ZFHX3: variants seen among roughly 807,000 people sequenced by gnomAD.
ZFHX3 encodes the protein zinc finger homeobox 3.
A neutral mutation model predicts 279.1 loss-of-function variants in ZFHX3; 42 were observed. That is an observed-to-expected ratio of 0.15 (90% confidence interval 0.12 to 0.19). ZFHX3 has a LOEUF of 0.19. Ranked by LOEUF, ZFHX3 falls within the 10% of genes least tolerant of loss-of-function variation. ZFHX3 has a pLI of 1.00. For synonymous variants in ZFHX3, 2,293 were observed against 1,957.8 expected (o/e 1.17, Z -4.52); for missense variants, 4,981 against 4,754.0 (o/e 1.05, Z -1.40).
chr16:73,068,467 A>C (rs1965782683), intron 8 of ZFHX3, among the ~76,000 whole-genome samples: 1 of 152,236 alleles, frequency 6.6e-6, no homozygotes. Context: ...AAAGGGAAAA[A>C]GGCCAAAAGG....
intron 5 of ZFHX3, among the ~76,000 whole-genome samples, chr16:73,195,995 T>G (rs1401732137): frequency 6.6e-6 from 1 of 152,180 alleles, no homozygotes; most frequent in Non-Finnish European, 1.5e-5. Context: ...ACACATGCCG[T>G]GTACATATTA....
chr16:72,849,614 G>A (rs1597307660), intron 4 of ZFHX3, among the ~76,000 whole-genome samples: 1 of 152,096 alleles, frequency 6.6e-6, no homozygotes, highest in East Asian at 1.9e-4. Context: ...CCTCATTAAT[G>A]GATGAAATCT....
At chr16:73,330,439 G>A (rs1398757495) in intron 3 of ZFHX3, among the ~76,000 whole-genome samples, 1 of 152,166 alleles carries the variant, frequency 6.6e-6, no homozygotes, top group Non-Finnish European at 1.5e-5. Flanking sequence ...CAAAGTGAAG[G>A]CAACAATTCA....
intron 3 of ZFHX3, among the ~76,000 whole-genome samples, chr16:73,340,493 A>T (rs1055574086): frequency 1.3e-5 from 2 of 152,136 alleles, no homozygotes; most frequent in African/African-American, 4.8e-5. Flanking sequence ...AGTAGCTGGG[A>T]TTATAGGTGC....
intron 8 of ZFHX3, among the ~76,000 whole-genome samples, chr16:73,085,247 T>C (rs2046360171): frequency 6.6e-6 from 1 of 152,156 alleles, no homozygotes; most frequent in Admixed American, 6.5e-5. Flanking sequence ...ATTTACAGCA[T>C]TTACAACTCA....
At chr16:73,166,164 A>T (rs552228596) in intron 5 of ZFHX3, among the ~76,000 whole-genome samples, 3 of 152,316 alleles carry the variant, frequency 2.0e-5, no homozygotes, top group East Asian at 3.9e-4. Context: ...TTAAGGCTTT[A>T]TCTCAAAGCT....
chr16:73,734,490 A>G (rs552546243), intron 1 of ZFHX3, among the ~76,000 whole-genome samples: 1 of 152,324 alleles, frequency 6.6e-6, no homozygotes, highest in South Asian at 2.1e-4. Context: ...GAATGACAGC[A>G]ATAAGATAGT....
intron 5 of ZFHX3, among the ~76,000 whole-genome samples, chr16:73,218,193 A>G (rs1462507944): frequency 2.2e-4 from 33 of 152,202 alleles, no homozygotes; most frequent in Non-Finnish European, 2.9e-5. Flanking sequence ...GAGACAGCAC[A>G]TCAGAAAAAT....
At chr16:73,469,436 G>A (rs1273571730) in intron 2 of ZFHX3, among the ~76,000 whole-genome samples, 3 of 151,996 alleles carry the variant, frequency 2.0e-5, no homozygotes, top group African/African-American at 7.3e-5. Context: ...CAGAGCACCT[G>A]TATATGTACT....
intron 5 of ZFHX3, among the ~76,000 whole-genome samples, chr16:73,203,522 T>C (rs1597218125): frequency 6.6e-6 from 1 of 152,334 alleles, no homozygotes; most frequent in East Asian, 1.9e-4. Context: ...TCCTAGTGGG[T>C]GCATATTTGT....
intron 2 of ZFHX3, among the ~76,000 whole-genome samples, chr16:73,583,320 A>G (rs921656225): frequency 3.3e-5 from 5 of 152,248 alleles, no homozygotes; most frequent in African/African-American, 1.2e-4. Context: ...AATCTTAAAA[A>G]AGAAGAAACC....
intron 3 of ZFHX3, among the ~76,000 whole-genome samples, chr16:73,441,489 A>G (rs1352320981): frequency 6.6e-6 from 1 of 152,186 alleles, no homozygotes; most frequent in Non-Finnish European, 1.5e-5. Context: ...GATGTTCCCT[A>G]AACACTGTAA....
chr16:73,839,207 A>G (rs1961227817), intron 1 of ZFHX3, among the ~76,000 whole-genome samples: 1 of 151,412 alleles, frequency 6.6e-6, no homozygotes, highest in African/African-American at 2.4e-5. Flanking sequence ...AAATGCAAAA[A>G]CAAAATTAGC....
chr16:72,801,000 T>G (rs1454038325), intron 7 of ZFHX3, among the ~76,000 whole-genome samples: 2 of 152,238 alleles, frequency 1.3e-5, no homozygotes, highest in African/African-American at 4.8e-5. Context: ...CAGAAGCCTG[T>G]CCAAACAAGT....
intron 4 of ZFHX3, among the ~76,000 whole-genome samples, chr16:73,288,647 C>T (rs542553159): frequency 6.6e-6 from 1 of 152,126 alleles, no homozygotes; most frequent in African/African-American, 2.4e-5. Context: ...TTTGTCGCCC[C>T]CAAACTCAGT....
intron 3 of ZFHX3, among the ~76,000 whole-genome samples, chr16:72,895,869 T>G (rs1296814651): frequency 7.0e-6 from 1 of 141,918 alleles, no homozygotes; most frequent in Non-Finnish European, 1.6e-5. Context: ...ATAGGTAGAT[T>G]AGACTAGATA....
At chr16:73,766,112 C>A (rs1322417364) in intron 1 of ZFHX3, among the ~76,000 whole-genome samples, 1 of 152,108 alleles carries the variant, frequency 6.6e-6, no homozygotes, top group Non-Finnish European at 1.5e-5. Flanking sequence ...CACCCCTTGC[C>A]CCCAGTAAAA....
intron 3 of ZFHX3, among the ~76,000 whole-genome samples, chr16:73,368,379 T>C (rs921719333): frequency 1.3e-5 from 2 of 152,224 alleles, no homozygotes; most frequent in South Asian, 2.1e-4. Context: ...ATTTTACTTA[T>C]GGTCTTTTCC....
chr16:73,256,920 C>T (rs2013676541), intron 5 of ZFHX3: 1 of 151,952 alleles, frequency 6.6e-6, no homozygotes, highest in South Asian at 2.1e-4. Context: ...TATAATGATA[C>T]TATCTAAATT....
Sources: allele counts gnomAD v4.1 joint callset (sites outside exome capture counted in the v4.1 genomes callset), GRCh38; gene constraint gnomAD v4.1.1; transcripts MANE v1.5; gene names NCBI Gene and HGNC (gene_info 2026-07-23, HGNC 2026-07-21).